CHL1: variants seen among roughly 807,000 people sequenced by gnomAD.
CHL1 encodes the protein cell adhesion molecule L1 like.
CHL1 carries 96 observed loss-of-function variants against 141.9 expected under a neutral mutation model. That is an observed-to-expected ratio of 0.68 (90% CI 0.57 to 0.80). The LOEUF (loss-of-function observed/expected upper bound fraction) is 0.80, where lower values mean the gene tolerates loss of function less well. CHL1 is among the 30% of genes least tolerant of loss of function. The pLI, the probability that CHL1 is intolerant of heterozygous loss-of-function variation, is 0.00. For missense variants in CHL1, 1,820 were observed against 1,457.2 expected (o/e 1.25, Z -4.05); for synonymous variants, 613 against 502.2 (o/e 1.22, Z -2.95).
At chr3:387,918 T>C (rs1202132820) in intron 19 of CHL1, among the ~76,000 whole-genome samples, 1 of 152,190 alleles carries the variant, frequency 6.6e-6, no homozygotes, top group East Asian at 1.9e-4. Context: ...TGCTGATATG[T>C]CACTACCCTT....
At chr3:312,868 A>G (rs1003361539) in intron 2 of CHL1, among the ~76,000 whole-genome samples, 2 of 152,252 alleles carry the variant, frequency 1.3e-5, no homozygotes, top group African/African-American at 2.4e-5. Flanking sequence ...TTTTAAAACT[A>G]TAATTTGGAT....
chr3:401,569 A>G, intron 26 of CHL1, 57 bp from the exon 27 acceptor site: 2 of 1,016,020 alleles, frequency 2.0e-6, no homozygotes, highest in Non-Finnish European at 3.0e-6. Flanking sequence ...CAGCACTGGT[A>G]AAATGTCTTT....
intron 1 of CHL1, among the ~76,000 whole-genome samples, chr3:236,858 T>A (rs528273543): frequency 7.0e-6 from 1 of 143,808 alleles, no homozygotes; most frequent in Non-Finnish European, 1.5e-5. Context: ...TATTAGAGAG[T>A]TTTTAAAAAA....
intron 11 of CHL1, among the ~76,000 whole-genome samples, chr3:355,220 C>T (rs1178168684): frequency 6.6e-6 from 1 of 152,144 alleles, no homozygotes; most frequent in Non-Finnish European, 1.5e-5. Flanking sequence ...TGATCACCCT[C>T]TGGTCCCGCT....
chr3:221,408 T>C (rs541667503), intron 1 of CHL1, among the ~76,000 whole-genome samples: 1 of 152,334 alleles, frequency 6.6e-6, no homozygotes, highest in East Asian at 1.9e-4. Flanking sequence ...AAGATCGATA[T>C]CAACTTTTGT....
intron 1 of CHL1, chr3:197,634 G>GC (rs1030078371): frequency 8.2e-6 from 3 of 367,142 alleles, no homozygotes; most frequent in Admixed American, 7.2e-5. Context: ...CCAGCCCGGG[G>GC]GGGGTTCCGA....
chr3:367,710 A>G (rs114180195), intron 15 of CHL1, among the ~76,000 whole-genome samples: 2,818 of 152,238 alleles, frequency 0.019, 49 homozygotes, highest in Non-Finnish European at 0.024. Flanking sequence ...TGAACAGAAC[A>G]TGCAGATTTG....
chr3:278,553 G>A (rs1007330793), intron 2 of CHL1, among the ~76,000 whole-genome samples: 9 of 152,188 alleles, frequency 5.9e-5, no homozygotes, highest in African/African-American at 1.9e-4. Flanking sequence ...ACATATGGCA[G>A]CACCTGTCAC....
At chr3:322,469 G>A (rs1047866300) in intron 3 of CHL1, among the ~76,000 whole-genome samples, 1 of 149,960 alleles carries the variant, frequency 6.7e-6, no homozygotes, top group Non-Finnish European at 1.5e-5. Flanking sequence ...AACCTAAGAC[G>A]CCATTTTTTC....
At chr3:198,663 T>C (rs936988773) in intron 1 of CHL1, among the ~76,000 whole-genome samples, 1 of 152,272 alleles carries the variant, frequency 6.6e-6, no homozygotes, top group Non-Finnish European at 1.5e-5. Context: ...GCATATTTGA[T>C]GCATAATAAG....
At chr3:273,322 G>T (rs1695802585) in intron 2 of CHL1, among the ~76,000 whole-genome samples, 1 of 152,146 alleles carries the variant, frequency 6.6e-6, no homozygotes, top group Non-Finnish European at 1.5e-5. Flanking sequence ...TGGTTAGTTT[G>T]CCCCACCTGG....
At chr3:277,604 C>A (rs1696261270) in intron 2 of CHL1, among the ~76,000 whole-genome samples, 1 of 152,090 alleles carries the variant, frequency 6.6e-6, no homozygotes, top group South Asian at 2.1e-4. Context: ...TTTCTCTTAC[C>A]TTATACTGGA....
At chr3:235,976 T>A (rs13091018) in intron 1 of CHL1, among the ~76,000 whole-genome samples, 1 of 152,046 alleles carries the variant, frequency 6.6e-6, no homozygotes. Flanking sequence ...GATTTGGTAT[T>A]GGTGCTGGGA....
chr3:394,914 A>G, intron 24 of CHL1, 42 bp downstream of exon 24: 1 of 1,488,414 alleles, frequency 6.7e-7, no homozygotes, highest in Non-Finnish European at 9.1e-7. Context: ...GGCTTTAAAA[A>G]GAGACTGCAT....
In CHL1 at chr3:345,609, G is replaced by A. The variant is rs903057849; in HGVS notation, c.848+900G>A. On this transcript the variant is annotated intron_variant, in intron 9 of 27. Transcript: ENST00000256509. Reference sequence around the variant, plus strand: ...AGCGATTCTCCTGCCTCAGCCTCCTGAGTAGCTGAAGCTACAGGTGTGTGC... The same window carrying A: ...AGCGATTCTCCTGCCTCAGCCTCCTAAGTAGCTGAAGCTACAGGTGTGTGC... 1.2e-4 allele frequency among the ~76,000 whole-genome samples: 18 copies of A among 152,016 alleles called. 1 individual carries two copies. The highest frequency in any genetic ancestry group is 1.0e-3 in the Admixed American group (16 of 15,252).
chr3:207,375 A>C (rs1699531698), intron 1 of CHL1, among the ~76,000 whole-genome samples: 1 of 152,196 alleles, frequency 6.6e-6, no homozygotes, highest in Non-Finnish European at 1.5e-5. Flanking sequence ...GCTTCTCTGG[A>C]ATACACAGCT....
chr3:339,946 T>C (rs112877107), intron 5 of CHL1, among the ~76,000 whole-genome samples: 80 of 152,294 alleles, frequency 5.3e-4, no homozygotes, highest in African/African-American at 1.8e-3. Context: ...AGAGACTGTG[T>C]AATTCTATAA....
intron 2 of CHL1, among the ~76,000 whole-genome samples, chr3:270,747 G>A (rs1695565242): frequency 1.3e-5 from 2 of 152,230 alleles, no homozygotes. Flanking sequence ...AGCTGGGGCT[G>A]CAGTTATATG....
At chr3:383,461 T>C (rs1252972805) in intron 18 of CHL1, among the ~76,000 whole-genome samples, 2 of 152,066 alleles carry the variant, frequency 1.3e-5, no homozygotes, top group African/African-American at 4.8e-5. Context: ...ACAATTCTAA[T>C]AGAAAAAATA....
Sources: allele counts gnomAD v4.1 joint callset (sites outside exome capture counted in the v4.1 genomes callset), GRCh38; gene constraint gnomAD v4.1.1; transcripts MANE v1.5; gene names NCBI Gene and HGNC (gene_info 2026-07-23, HGNC 2026-07-21).